The following GHR variants were observed in gnomAD, a reference collection of about 807,000 sequenced individuals.
The protein encoded by GHR is growth hormone receptor, also known as GH receptor.
A neutral mutation model predicts 67.1 loss-of-function variants in GHR; 35 were observed. The observed-to-expected ratio is 0.52, with a 90% CI of 0.40 to 0.69. The LOEUF (loss-of-function observed/expected upper bound fraction) is 0.69, where lower values mean the gene tolerates loss of function less well. Ranked by LOEUF, GHR falls within the 30% of genes least tolerant of loss-of-function variation. The probability of loss-of-function intolerance (pLI) is 0.00; values close to 1 mark genes in which losing one functional copy is unlikely to be tolerated. For synonymous variants in GHR, 272 were observed against 269.1 expected (o/e 1.01, Z -0.10); for missense variants, 792 against 764.6 (o/e 1.04, Z -0.42).
intron 1 of GHR, among the ~76,000 whole-genome samples, chr5:42,487,176 T>G (rs1209486183): frequency 6.6e-6 from 1 of 152,212 alleles, no homozygotes; most frequent in Non-Finnish European, 1.5e-5. Flanking sequence ...CTTAAGGACT[T>G]TGTTATGTAA....
chr5:42,682,397 A>G (rs191245444), intron 3 of GHR, among the ~76,000 whole-genome samples: 48 of 152,348 alleles, frequency 3.2e-4, no homozygotes, highest in Admixed American at 2.9e-3. Context: ...ATCAGAGAAG[A>G]CCTAAGAGTC....
intron 3 of GHR, among the ~76,000 whole-genome samples, chr5:42,671,320 C>A (rs1428000142): frequency 6.6e-6 from 1 of 151,882 alleles, no homozygotes; most frequent in Non-Finnish European, 1.5e-5. Context: ...GGAGGTGCCA[C>A]ACACTTAAAC....
At chr5:42,579,140 TGATAGATAGATATAGA>T (rs1750990058) in intron 2 of GHR, among the ~76,000 whole-genome samples, 1 of 59,888 alleles carries the variant, frequency 1.7e-5, no homozygotes, top group Non-Finnish European at 3.5e-5. Flanking sequence ...GATAGATAGA[TGATAGATAGATATAGA>T]TAGATAGATA....
chr5:42,441,515 T>C (rs1405842406), intron 1 of GHR, among the ~76,000 whole-genome samples: 1 of 89,406 alleles, frequency 1.1e-5, no homozygotes, highest in Admixed American at 1.0e-4. Flanking sequence ...AAAGGAGGAG[T>C]TTTTTTTTTT....
At chr5:42,692,171 A>C (rs1757451062) in intron 4 of GHR, among the ~76,000 whole-genome samples, 1 of 152,180 alleles carries the variant, frequency 6.6e-6, no homozygotes, top group African/African-American at 2.4e-5. Context: ...TTAAATTTAA[A>C]GCCAAAAACG....
intron 6 of GHR, 94 bp downstream of exon 6, chr5:42,700,096 A>G: frequency 2.7e-6 from 2 of 752,066 alleles, no homozygotes; most frequent in Non-Finnish European, 4.8e-6. Flanking sequence ...ACCTAATACC[A>G]CATGTTCATG....
chr5:42,614,817 C>G lies in GHR; in HGVS notation c.71-14221C>G, dbSNP rs9918168. On this transcript the variant is annotated intron_variant, in intron 2 of 9. Transcript: ENST00000230882. ...TGTTGGCTCCAGGGAGTTTGAAAGTCTAGGACAGAATTTTTCTTCCTAGGT... is the reference window on the plus strand; with the variant it reads ...TGTTGGCTCCAGGGAGTTTGAAAGTGTAGGACAGAATTTTTCTTCCTAGGT... Among the ~76,000 whole-genome samples the G allele has an allele frequency of 4.4e-3, 668 of 151,884 alleles. 3 individuals carry two copies. Among genetic ancestry groups the G allele is most frequent in the African/African-American group, 0.015 (630 of 41,416 alleles).
chr5:42,664,361 A>C (rs1232385289), intron 3 of GHR, among the ~76,000 whole-genome samples: 1 of 152,228 alleles, frequency 6.6e-6, no homozygotes, highest in Non-Finnish European at 1.5e-5. Flanking sequence ...AGGCTACAGT[A>C]ACCAAAACAG....
rs117047414 is a variant in GHR at position 42,449,637 on chromosome 5, T to C, written c.-12+25682T>C. Among the ~76,000 whole-genome samples, 199 of 152,306 alleles carry C rather than the reference T, an allele frequency of 1.3e-3. 4 individuals are homozygous for C. In the East Asian group the frequency reaches 0.034, roughly 26 times the overall value. On this transcript the variant is annotated intron_variant, in intron 1 of 9. Coordinates refer to ENST00000230882, the MANE Select transcript of GHR (RefSeq NM_000163.5). ...TTTGGATGCCTTTATTTCTTTCTCT[T>C]GTCTAATCACTCTGGCTAGGACTTC... is the stretch of plus-strand genomic sequence containing the variant.
At chr5:42,674,129 T>C (rs1756454132) in intron 3 of GHR, among the ~76,000 whole-genome samples, 1 of 152,176 alleles carries the variant, frequency 6.6e-6, no homozygotes, top group Non-Finnish European at 1.5e-5. Flanking sequence ...CTAAGTTTCA[T>C]TTATAATATT....
intron 7 of GHR, among the ~76,000 whole-genome samples, chr5:42,711,845 C>T (rs538883624): frequency 1.8e-4 from 28 of 152,072 alleles, no homozygotes; most frequent in African/African-American, 5.5e-4. Context: ...CAGGTGCATA[C>T]GGTTTTAGAA....
intron 1 of GHR, among the ~76,000 whole-genome samples, chr5:42,522,538 A>T (rs1229304796): frequency 1.3e-5 from 2 of 152,202 alleles, no homozygotes; most frequent in African/African-American, 4.8e-5. Context: ...TTATCTTCAA[A>T]TCATAAGCTT....
intron 2 of GHR, among the ~76,000 whole-genome samples, chr5:42,571,771 T>C (rs1431110164): frequency 6.6e-6 from 1 of 152,216 alleles, no homozygotes; most frequent in Non-Finnish European, 1.5e-5. Flanking sequence ...GAGCCAGTCC[T>C]GGTTATATAA....
intron 8 of GHR, among the ~76,000 whole-genome samples, chr5:42,714,535 G>C (rs1579667355): frequency 6.6e-6 from 1 of 152,190 alleles, no homozygotes; most frequent in African/African-American, 2.4e-5. Context: ...AAGAATTATT[G>C]GGACGCTAGA....
At chr5:42,425,054 A>C (rs1742791836) in intron 1 of GHR, 1 of 975,788 alleles carries the variant, frequency 1.0e-6, no homozygotes, top group Admixed American at 6.2e-5. Flanking sequence ...GGAAGGCCAA[A>C]GTGTTGGGAA....
intron 1 of GHR, among the ~76,000 whole-genome samples, chr5:42,456,962 T>A (rs1156890314): frequency 6.6e-6 from 1 of 152,226 alleles, no homozygotes; most frequent in African/African-American, 2.4e-5. Flanking sequence ...TGGGCATTTT[T>A]AATGAAGCTT....
chr5:42,482,729 G>A (rs1745706178), intron 1 of GHR, among the ~76,000 whole-genome samples: 3 of 152,144 alleles, frequency 2.0e-5, no homozygotes, highest in African/African-American at 7.2e-5. Flanking sequence ...AGCCCATTGG[G>A]AAAGTGCAGT....
intron 1 of GHR, among the ~76,000 whole-genome samples, chr5:42,484,688 C>T (rs530241348): frequency 7.4e-4 from 112 of 152,140 alleles, no homozygotes; most frequent in Non-Finnish European, 1.3e-3. Context: ...AGGTGCTTAG[C>T]GGGGCTCTTT....
At chr5:42,448,665 T>A (rs1265841184) in intron 1 of GHR, among the ~76,000 whole-genome samples, 1 of 151,560 alleles carries the variant, frequency 6.6e-6, no homozygotes, top group East Asian at 1.9e-4. Flanking sequence ...ATTTTTATTT[T>A]TGTTGCATTT....
Sources: gnomAD v4.1 joint callset for allele counts (sites outside exome capture counted in the v4.1 genomes callset) on GRCh38, gnomAD v4.1.1 for gene constraint, MANE v1.5 for transcripts, NCBI Gene and HGNC (gene_info 2026-07-23, HGNC 2026-07-21) for gene names.